The following MAL2 variants were observed in gnomAD, a reference collection of about 807,000 sequenced individuals.
The protein encoded by MAL2 is protein MAL2.
A neutral mutation model predicts 18.1 loss-of-function variants in MAL2; 17 were observed. The observed-to-expected ratio is 0.94, with a 90% CI of 0.64 to 1.41. The LOEUF is 1.41. Among genes scored for constraint, MAL2 ranks in the 40% most tolerant of loss-of-function variants. The pLI, the probability that MAL2 is intolerant of heterozygous loss-of-function variation, is 0.00. For missense variants in MAL2, 222 were observed against 231.9 expected (o/e 0.96, Z 0.28); for synonymous variants, 102 against 102.3 (o/e 1.00, Z 0.02).
At position 119,208,798 on chromosome 8, in the gene MAL2, C is replaced by A. The variant is rs369355886; in HGVS notation, c.132+194C>A. On this transcript the variant is annotated intron_variant, in intron 1 of 3. Transcript: ENST00000614891. This position sits in a 1 kb window ranked among gnomAD's most constrained non-coding sequence, Gnocchi z 4.3. ...GGGCCCTCCCTCCTAGCACCTGTTACGCGGGCACCTGCTCCCCCGCGGGCG... is the reference window on the plus strand; with the variant it reads ...GGGCCCTCCCTCCTAGCACCTGTTAAGCGGGCACCTGCTCCCCCGCGGGCG... 2 of 859,996 alleles carry A rather than the reference C, an allele frequency of 2.3e-6. No individual in the cohort carries two copies. Among genetic ancestry groups the A allele is most frequent in the African/African-American group, 1.8e-5 (1 of 56,924 alleles). The allele number at this position is 859,996 out of a possible 1,614,324, so 53.3% of individuals were successfully genotyped here.
At chr8:119,239,285 G>T (rs1166538046) in intron 2 of MAL2, among the ~76,000 whole-genome samples, 1 of 152,052 alleles carries the variant, frequency 6.6e-6, no homozygotes, top group Non-Finnish European at 1.5e-5. Flanking sequence ...ACAGGTGCTG[G>T]AGAGGATGTG....
At chr8:119,218,762 T>G (rs1275372109) in intron 1 of MAL2, among the ~76,000 whole-genome samples, 1 of 152,176 alleles carries the variant, frequency 6.6e-6, no homozygotes, top group Non-Finnish European at 1.5e-5. Context: ...TCTTTAGAGG[T>G]GTGAATGTAT....
At chr8:119,234,188 AAG>A (rs1343355107) in intron 2 of MAL2, among the ~76,000 whole-genome samples, 1 of 152,180 alleles carries the variant, frequency 6.6e-6, no homozygotes, top group African/African-American at 2.4e-5. Flanking sequence ...GAGTCAAAGA[AAG>A]GGGTGACGGA....
intron 1 of MAL2, among the ~76,000 whole-genome samples, chr8:119,210,389 C>T (rs755735349): frequency 6.6e-6 from 1 of 152,048 alleles, no homozygotes; most frequent in South Asian, 2.1e-4. Context: ...TAGAAAGTGA[C>T]TTAGTCAATT....
At chr8:119,232,342 T>TGAAAA (rs1162706299) in intron 2 of MAL2, among the ~76,000 whole-genome samples, 1 of 152,118 alleles carries the variant, frequency 6.6e-6, no homozygotes, top group Non-Finnish European at 1.5e-5. Flanking sequence ...GTCATTTAAC[T>TGAAAA]GAAAAGAAAG....
In MAL2 at chr8:119,231,832, G is replaced by A. The variant is rs79980845; in HGVS notation, c.304-8333G>A. Reference sequence around the variant, plus strand: ...AGCCAGGCACGGAAAGACCAATACCGCATGATCTCACTTATATGTGAAATC... The same window carrying A: ...AGCCAGGCACGGAAAGACCAATACCACATGATCTCACTTATATGTGAAATC... On this transcript the variant is annotated intron_variant, in intron 2 of 3. Transcript: ENST00000614891. Among the ~76,000 whole-genome samples, 1,367 of 151,614 alleles carry A rather than the reference G, an allele frequency of 9.0e-3. 18 individuals carry two copies. Among genetic ancestry groups the A allele is most frequent in the African/African-American group, 0.03 (1,226 of 41,018 alleles).
rs548437768 is a variant in MAL2, at chr8:119,241,304, G to A, written c.459+984G>A. Among the ~76,000 whole-genome samples the A allele has an allele frequency of 3.3e-5, 5 of 152,222 alleles. No homozygotes were observed. The East Asian group carries it at 7.7e-4, about 24-fold the overall frequency. ...GCACATTGGTAGGCCGAGGTGGGAG[G>A]ACTGCTTGAGGCCAAGAGTTTGAGA... is the stretch of plus-strand genomic sequence containing the variant. On this transcript the variant is annotated intron_variant, in intron 3 of 3. Transcript: ENST00000614891.
chr8:119,227,947 A>T (rs1240851087), intron 2 of MAL2, among the ~76,000 whole-genome samples: 1 of 152,088 alleles, frequency 6.6e-6, no homozygotes, highest in Non-Finnish European at 1.5e-5. Context: ...CATTCCTGAG[A>T]GAGTCAGGGC....
At chr8:119,212,909 G>T (rs991318359) in intron 1 of MAL2, among the ~76,000 whole-genome samples, 3 of 152,202 alleles carry the variant, frequency 2.0e-5, no homozygotes, top group African/African-American at 7.2e-5. Flanking sequence ...TTTATTGTCT[G>T]ATGGAAAGCT....
intron 2 of MAL2, among the ~76,000 whole-genome samples, chr8:119,232,232 T>A (rs1310547141): frequency 6.6e-6 from 1 of 151,888 alleles, no homozygotes; most frequent in Non-Finnish European, 1.5e-5. Flanking sequence ...ATTAAAATAA[T>A]TTTTTTTGAA....
intron 1 of MAL2, among the ~76,000 whole-genome samples, chr8:119,211,176 A>C (rs1050448045): frequency 6.6e-6 from 1 of 152,148 alleles, no homozygotes; most frequent in African/African-American, 2.4e-5. Flanking sequence ...GATTCTTTTA[A>C]AATTGGCCAT....
rs979320202 is a variant in MAL2, at chr8:119,240,081, G to A, written c.304-84G>A. The A allele has an allele frequency of 4.3e-6, 6 of 1,388,780 alleles. No individual in the cohort carries two copies. The African/African-American group carries it at 7.3e-5, about 17-fold the overall frequency. The allele number at this position is 1,388,780 out of a possible 1,614,324, so 86.0% of individuals were successfully genotyped here. A position where few individuals can be genotyped will look rare whatever the true frequency, so the allele number is the denominator to read the frequency against. ...TTGTTTAATTAAATGTTTTGATCTT[G>A]CTAAACCTAAACTTCATTATTTAAA... On this transcript the variant is annotated intron_variant, in intron 2 of 3. Coordinates refer to ENST00000614891, the MANE Select transcript of MAL2 (RefSeq NM_052886.3).
intron 2 of MAL2, among the ~76,000 whole-genome samples, chr8:119,227,926 A>G (rs1300497636): frequency 6.6e-6 from 1 of 152,038 alleles, no homozygotes; most frequent in Non-Finnish European, 1.5e-5. Context: ...CCTGTTGGTG[A>G]ATCCAAATCT....
chr8:119,215,362 T>G (rs1188939433), intron 1 of MAL2: 1 of 152,212 alleles, frequency 6.6e-6, no homozygotes, highest in Non-Finnish European at 1.5e-5. Flanking sequence ...TAGAGCATTC[T>G]CTTTTGGAAC....
chr8:119,233,776 A>T (rs1053953635), intron 2 of MAL2, among the ~76,000 whole-genome samples: 5 of 151,858 alleles, frequency 3.3e-5, no homozygotes, highest in African/African-American at 1.2e-4. Flanking sequence ...ATTCCTTCTG[A>T]AACTATTCCT....
intron 3 of MAL2, among the ~76,000 whole-genome samples, chr8:119,241,722 C>T (rs986127285): frequency 2.0e-5 from 3 of 151,952 alleles, no homozygotes; most frequent in Non-Finnish European, 2.9e-5. Flanking sequence ...GGTGGGATTA[C>T]AACAAAAAGG....
chr8:119,239,328 G>A (rs1283918390), intron 2 of MAL2, among the ~76,000 whole-genome samples: 1 of 151,800 alleles, frequency 6.6e-6, no homozygotes, highest in Non-Finnish European at 1.5e-5. Flanking sequence ...CTGTTGGTGG[G>A]ACTGTAAACT....
chr8:119,237,805 A>C (rs1251252103), intron 2 of MAL2, among the ~76,000 whole-genome samples: 1 of 151,944 alleles, frequency 6.6e-6, no homozygotes, highest in East Asian at 1.9e-4. Flanking sequence ...AGTAAGAGCT[A>C]TCTATGACAA....
intron 2 of MAL2, among the ~76,000 whole-genome samples, chr8:119,237,483 C>T (rs1386037240): frequency 6.6e-6 from 1 of 151,214 alleles, no homozygotes; most frequent in East Asian, 1.9e-4. Context: ...GAGAGACAAC[C>T]AAAAAAGAGA....
Sources: allele counts gnomAD v4.1 joint callset (sites outside exome capture counted in the v4.1 genomes callset), GRCh38; gene constraint gnomAD v4.1.1; non-coding constraint Gnocchi (gnomAD v3.1); transcripts MANE v1.5; gene names NCBI Gene and HGNC (gene_info 2026-07-23, HGNC 2026-07-21).